The following TSHZ2 variants were observed in gnomAD, a reference collection of about 807,000 sequenced individuals.
TSHZ2 encodes the protein teashirt homolog 2.
A neutral mutation model predicts 74.4 loss-of-function variants in TSHZ2; 21 were observed. The observed-to-expected ratio is 0.28, with a 90% CI of 0.20 to 0.41. The LOEUF is 0.41. Ranked by LOEUF, TSHZ2 falls within the 10% of genes least tolerant of loss-of-function variation. The probability of loss-of-function intolerance (pLI) is 1.00; values close to 1 mark genes in which losing one functional copy is unlikely to be tolerated. For synonymous variants in TSHZ2, 540 were observed against 515.3 expected (o/e 1.05, Z -0.65); for missense variants, 1,244 against 1,293.5 (o/e 0.96, Z 0.59).
intron 1 of TSHZ2, among the ~76,000 whole-genome samples, chr20:53,228,062 A>C (rs6013650): frequency 0.036 from 4,517 of 125,650 alleles, 212 homozygotes; most frequent in African/African-American, 0.1. Flanking sequence ...TGCTGGTATC[A>C]TTTAAGATAT....
chr20:52,986,401 C>CAAAAA (rs34991984), intron 1 of TSHZ2, among the ~76,000 whole-genome samples: 3 of 120,770 alleles, frequency 2.5e-5, no homozygotes, highest in African/African-American at 6.5e-5. Context: ...AAGAATCCAT[C>CAAAAA]AAAAAAAAAA....
At position 53,489,354 on chromosome 20, in the gene TSHZ2, G is replaced by A. The variant is rs1986384836; in HGVS notation, c.*2219G>A. On this transcript the variant is annotated 3_prime_UTR_variant, in exon 3 of 3. Coordinates refer to ENST00000371497, the MANE Select transcript of TSHZ2 (RefSeq NM_173485.6). The stretch of plus-strand genomic sequence containing the variant: ...TTCAGATGGGTTAAGATTGAAGGGT[G>A]GACTGGACTCTACTGAGCACCGTCC... 3 of 366,848 alleles carry A rather than the reference G, an allele frequency of 8.2e-6. No individual in the cohort carries two copies. Among genetic ancestry groups the A allele is most frequent in the Non-Finnish European group, 1.6e-5 (3 of 186,670 alleles). 22.7% of individuals were successfully genotyped at this position (366,848 alleles called of 1,614,324 possible).
intron 1 of TSHZ2, among the ~76,000 whole-genome samples, chr20:53,000,798 G>A (rs1211002845): frequency 2.0e-5 from 3 of 152,082 alleles, no homozygotes; most frequent in Non-Finnish European, 4.4e-5. Flanking sequence ...TGTTTTTCAG[G>A]ACTTTTTGAT....
chr20:53,203,529 G>GGT (rs1432669926), intron 1 of TSHZ2, among the ~76,000 whole-genome samples: 3 of 151,970 alleles, frequency 2.0e-5, no homozygotes, highest in African/African-American at 7.3e-5. Flanking sequence ...GGGCCAGGCT[G>GGT]GTGTGGGAAA....
intron 1 of TSHZ2, chr20:53,196,137 A>T (rs778946608): frequency 9.9e-5 from 15 of 152,052 alleles, no homozygotes; most frequent in Non-Finnish European, 1.5e-4. Context: ...TTTATGCCAC[A>T]TGGATTTCAT....
In TSHZ2 at chr20:53,256,481, C is replaced by T. The variant is rs754153089; in HGVS notation, c.3023C>T (p.Ala1008Val). ...LCCRTFVSKH[A>V]VKLHLSKTHS... Reference sequence around the variant, plus strand: ...TGTCGGACATTTGTGAGCAAACATGCGGTAAAACTCCACCTAAGCAAAACG... The same window carrying T: ...TGTCGGACATTTGTGAGCAAACATGTGGTAAAACTCCACCTAAGCAAAACG... Residue 1008 changes from alanine (A) to valine (V), a missense_variant, in exon 2 of 3, where the codon GCG (alanine) becomes GTG (valine). Ala to Val is a moderately conservative substitution (Grantham distance 64). Transcript: ENST00000371497. The surrounding 1 kb of genome is among the most constrained non-coding windows in gnomAD (Gnocchi z 4.3). The T allele has an allele frequency of 2.1e-5, 34 of 1,613,612 alleles. No homozygotes were observed. Among genetic ancestry groups the T allele is most frequent in the Admixed American group, 5.0e-5 (3 of 59,980 alleles).
intron 1 of TSHZ2, among the ~76,000 whole-genome samples, chr20:53,086,742 G>A (rs1985711731): frequency 6.6e-6 from 1 of 152,142 alleles, no homozygotes; most frequent in South Asian, 2.1e-4. Context: ...GCACAGTTCT[G>A]TGGTTGCTGA....
rs143724013 is a variant in TSHZ2 at position 53,469,045 on chromosome 20, T to TTATATATATATATATATA, written c.*9-18077_*9-18060dup. Among the ~76,000 whole-genome samples, 373 of 48,914 alleles carry TTATATATATATATATATA rather than the reference T, an allele frequency of 7.6e-3. 30 individuals carry two copies. Among genetic ancestry groups the TTATATATATATATATATA allele is most frequent in the Non-Finnish European group, 0.011 (256 of 23,930 alleles). The allele number at this position is 48,914 out of a possible 152,430, so 32.1% of individuals were successfully genotyped here. ...ACCTAAAGGCTCTGAAATCGATATT[T>TTATATATATATATATATA]TATATATATATATATATATATATAT... is the stretch of plus-strand genomic sequence containing the variant. On this transcript the variant is annotated intron_variant, in intron 2 of 2. Coordinates refer to ENST00000371497, the MANE Select transcript of TSHZ2 (RefSeq NM_173485.6).
intron 1 of TSHZ2, among the ~76,000 whole-genome samples, chr20:52,974,701 G>A (rs1981261309): frequency 6.6e-6 from 1 of 152,158 alleles, no homozygotes. Flanking sequence ...GGAATCTGAG[G>A]AGAGTGGGCA....
chr20:53,278,344 C>G (rs1453691753), intron 2 of TSHZ2, among the ~76,000 whole-genome samples: 1 of 152,160 alleles, frequency 6.6e-6, no homozygotes, highest in African/African-American at 2.4e-5. Flanking sequence ...ATCTATGGAC[C>G]TTCCTTTTTT....
chr20:52,985,610 G>C (rs1212851381), intron 1 of TSHZ2, among the ~76,000 whole-genome samples: 2 of 152,146 alleles, frequency 1.3e-5, no homozygotes, highest in Admixed American at 1.3e-4. Context: ...TCATCACCAC[G>C]ATTCTGACCT....
rs976339182 is a variant in TSHZ2 at position 53,255,948 on chromosome 20, T to G, written c.2490T>G (p.Asp830Glu). The change falls in exon 2 of 3, where the codon GAT becomes GAG. Residue 830 changes from aspartate (D) to glutamate (E), a missense_variant. Physicochemically the swap from Asp to Glu is conservative, Grantham distance 45. This residue lies in a region of TSHZ2 where 562 missense variants were observed against 544.0 expected (regional missense o/e 1.03). Transcript: ENST00000371497. This position sits in a 1 kb window ranked among gnomAD's most constrained non-coding sequence, Gnocchi z 4.1. Reference protein sequence around the residue: ...KLEMDVRRFEDVSSEVSTLHK... With the variant: ...KLEMDVRRFEEVSSEVSTLHK... ...AAATGGATGTCAGGCGCTTTGAGGA[T>G]GTCTCCAGTGAAGTCTCAACTTTGC... is the stretch of plus-strand genomic sequence containing the variant. 1.2e-6 allele frequency: 2 copies of G among 1,614,036 alleles called. No homozygotes were observed. The highest frequency in any genetic ancestry group is 2.7e-5 in the African/African-American group (2 of 74,916).
At chr20:53,207,837 G>T (rs1012405999) in intron 1 of TSHZ2, among the ~76,000 whole-genome samples, 1 of 147,626 alleles carries the variant, frequency 6.8e-6, no homozygotes, top group East Asian at 2.0e-4. Flanking sequence ...ATGCACCATC[G>T]TGCCCAGATA....
chr20:53,037,908 T>G (rs1461550232), intron 1 of TSHZ2, among the ~76,000 whole-genome samples: 2 of 151,968 alleles, frequency 1.3e-5, no homozygotes, highest in African/African-American at 4.8e-5. Context: ...AGGGCGAGTC[T>G]GCCAGGACAG....
intron 1 of TSHZ2, among the ~76,000 whole-genome samples, chr20:53,201,878 C>T (rs1349712234): frequency 6.6e-6 from 1 of 152,212 alleles, no homozygotes; most frequent in Non-Finnish European, 1.5e-5. Context: ...TATCTCCAGA[C>T]ATTGCCAAAT....
chr20:53,126,012 G>A (rs568004541), intron 1 of TSHZ2, among the ~76,000 whole-genome samples: 29 of 146,064 alleles, frequency 2.0e-4, no homozygotes, highest in African/African-American at 8.1e-4. Flanking sequence ...TAAAACTCTG[G>A]GTTTTTGTTT....
intron 2 of TSHZ2, chr20:53,397,751 A>C (rs1474426995): frequency 1.3e-5 from 2 of 152,264 alleles, no homozygotes; most frequent in African/African-American, 4.8e-5. Flanking sequence ...GATAGACTGG[A>C]TTAAGAAAAT....
chr20:53,227,258 G>C (rs1221500345), intron 1 of TSHZ2, among the ~76,000 whole-genome samples: 1 of 150,828 alleles, frequency 6.6e-6, no homozygotes, highest in African/African-American at 2.4e-5. Context: ...AACAAACAAG[G>C]GTCAGTGGGT....
intron 2 of TSHZ2, among the ~76,000 whole-genome samples, chr20:53,318,427 T>C (rs1372451300): frequency 2.0e-5 from 3 of 152,190 alleles, no homozygotes; most frequent in Non-Finnish European, 4.4e-5. Flanking sequence ...TTTTGCATGA[T>C]TTCTCAGGGC....
Sources: gnomAD v4.1 joint callset for allele counts (sites outside exome capture counted in the v4.1 genomes callset) on GRCh38, gnomAD v4.1.1 for gene constraint, gnomAD v4.1.1 regional missense constraint, Gnocchi (gnomAD v3.1) non-coding constraint, MANE v1.5 for transcripts, NCBI Gene and HGNC (gene_info 2026-07-23, HGNC 2026-07-21) for gene names.